The following OTUD7B variants were observed in gnomAD, a reference collection of about 807,000 sequenced individuals.
The protein encoded by OTUD7B is OTU domain-containing protein 7B.
A neutral mutation model predicts 82.2 loss-of-function variants in OTUD7B; 34 were observed. The ratio of observed to expected loss-of-function variants is 0.41; its 90% CI spans 0.31 to 0.55. The LOEUF (loss-of-function observed/expected upper bound fraction) is 0.55. Ranked by LOEUF, OTUD7B falls within the 20% of genes least tolerant of loss-of-function variation. The probability of loss-of-function intolerance (pLI) is 0.20; values close to 1 mark genes in which losing one functional copy is unlikely to be tolerated. For synonymous variants in OTUD7B, 398 were observed against 402.7 expected (o/e 0.99, Z 0.14); for missense variants, 944 against 1,062.1 (o/e 0.89, Z 1.55).
At chr1:150,063,920 G>A in the OTUD7B span, among the ~76,000 whole-genome samples, 1 of 152,146 alleles carries the variant, frequency 6.6e-6, no homozygotes, top group African/African-American at 2.4e-5. Context: ...AAAATTGCAT[G>A]TTTTACAAAT....
chr1:149,963,818 A>C (rs1649327276), intron 6 of OTUD7B: 1 of 165,226 alleles, frequency 6.1e-6, no homozygotes, highest in African/African-American at 2.4e-5. Flanking sequence ...TATGTCCTAA[A>C]AGATTTTAAC....
chr1:149,977,378 T>C, intron 2 of OTUD7B, 48 bp downstream of exon 2: 1 of 1,314,736 alleles, frequency 7.6e-7, no homozygotes, highest in Non-Finnish European at 1.1e-6. Context: ...TAATGATAAA[T>C]ACCACATTTT....
chr1:150,015,082 C>T (rs1361427385), upstream of OTUD7B, among the ~76,000 whole-genome samples: 1 of 152,092 alleles, frequency 6.6e-6, no homozygotes, highest in Admixed American at 6.5e-5. Flanking sequence ...ATCTGACCCA[C>T]GACAGTCATT....
intron 3 of OTUD7B, among the ~76,000 whole-genome samples, chr1:149,970,337 T>TTG (rs1195602907): frequency 2.8e-4 from 2 of 7,246 alleles, no homozygotes; most frequent in African/African-American, 3.5e-4. Flanking sequence ...TTTTTTTTTG[T>TTG]AGACAGAGTC....
intron 1 of OTUD7B, among the ~76,000 whole-genome samples, chr1:149,987,187 G>C (rs186057201): frequency 6.6e-6 from 1 of 152,356 alleles, no homozygotes; most frequent in East Asian, 1.9e-4. Flanking sequence ...ACAGGTAAAA[G>C]TGGCAGACCC....
chr1:149,970,222 A>AG (rs1285401365), intron 3 of OTUD7B, among the ~76,000 whole-genome samples: 1 of 151,060 alleles, frequency 6.6e-6, no homozygotes, highest in East Asian at 1.9e-4. Context: ...CTCAAGAAAA[A>AG]AAAAAAGTTT....
chr1:150,043,969 T>C, the OTUD7B span, among the ~76,000 whole-genome samples: 6 of 152,028 alleles, frequency 3.9e-5, no homozygotes, highest in Middle Eastern at 3.4e-3. Flanking sequence ...TTTTAAAAAA[T>C]TATTCAGGCA....
At chr1:150,015,962 A>G in the OTUD7B span, among the ~76,000 whole-genome samples, 1 of 152,214 alleles carries the variant, frequency 6.6e-6, no homozygotes, top group Non-Finnish European at 1.5e-5. Flanking sequence ...AAAAGAAAGA[A>G]TAAATTATTT....
At chr1:149,978,691 C>G (rs782108499) in intron 1 of OTUD7B, among the ~76,000 whole-genome samples, 8 of 152,158 alleles carry the variant, frequency 5.3e-5, no homozygotes, top group Non-Finnish European at 1.2e-4. Flanking sequence ...TGAAAAAGAT[C>G]TCTTCTTTCA....
At chr1:149,993,374 G>C (rs942615192) in intron 1 of OTUD7B, among the ~76,000 whole-genome samples, 1 of 152,154 alleles carries the variant, frequency 6.6e-6, no homozygotes, top group Non-Finnish European at 1.5e-5. Context: ...CTAAGTGAAG[G>C]GGATGCATCA....
At chr1:149,986,300 T>C (rs587629991) in intron 1 of OTUD7B, among the ~76,000 whole-genome samples, 4 of 151,964 alleles carry the variant, frequency 2.6e-5, no homozygotes, top group Admixed American at 6.6e-5. Context: ...ATCAGTGTTG[T>C]ACACAGACAA....
chr1:149,997,160 A>T (rs1231939857), intron 1 of OTUD7B, among the ~76,000 whole-genome samples: 4 of 152,148 alleles, frequency 2.6e-5, no homozygotes, highest in Admixed American at 2.6e-4. Flanking sequence ...AGAAAATTGT[A>T]TTTTCAATCC....
At chr1:150,032,972 C>T in the OTUD7B span, among the ~76,000 whole-genome samples, 1 of 152,154 alleles carries the variant, frequency 6.6e-6, no homozygotes, top group African/African-American at 2.4e-5. Context: ...TTTTTAACCC[C>T]CAACATAATT....
chr1:150,066,709 T>C, the OTUD7B span, among the ~76,000 whole-genome samples: 2 of 152,244 alleles, frequency 1.3e-5, no homozygotes, highest in Non-Finnish European at 2.9e-5. The surrounding 1 kb of genome is among the most constrained non-coding windows in gnomAD (Gnocchi z 4.6). Flanking sequence ...TTTCTAACAA[T>C]TGTTTCTTAT....
At chr1:150,025,977 A>T in the OTUD7B span, among the ~76,000 whole-genome samples, 1 of 152,200 alleles carries the variant, frequency 6.6e-6, no homozygotes. Context: ...CTGGAGCTTG[A>T]ATGGCCTTGA....
chr1:149,972,947 G>A lies in OTUD7B; in HGVS notation c.86-1696C>T, dbSNP rs1302667657. On this transcript the variant is annotated intron_variant, in intron 2 of 11. Transcript: ENST00000581312. ...TTCCTATGTTCCCTAAATCAGTAATGGCATCACAATCCCTCCAGGCCCTGA... is the reference window on the plus strand; with the variant it reads ...TTCCTATGTTCCCTAAATCAGTAATAGCATCACAATCCCTCCAGGCCCTGA... Among the ~76,000 whole-genome samples the A allele has an allele frequency of 2.0e-5, 3 of 152,060 alleles. No individual in the cohort carries two copies. The East Asian group carries it at 5.8e-4, about 29-fold the overall frequency.
chr1:150,000,749 T>C (rs1432559579), intron 1 of OTUD7B, among the ~76,000 whole-genome samples: 1 of 151,894 alleles, frequency 6.6e-6, no homozygotes, highest in Non-Finnish European at 1.5e-5. Flanking sequence ...GAGGCCAATG[T>C]GGGCAGATCA....
chr1:149,950,074 G>C lies in OTUD7B; in HGVS notation c.973+20C>G, dbSNP rs587633713. 4 of 1,613,234 alleles carry C rather than the reference G, an allele frequency of 2.5e-6. No individual in the cohort carries two copies. The highest frequency in any genetic ancestry group is 2.5e-6 in the Non-Finnish European group (3 of 1,179,922). Reference sequence around the variant, plus strand: ...AAAGGGGGTGCTCAGCATGGAGTGAGGACTGACTGGCTGACTCACCTTCCC... The same window carrying C: ...AAAGGGGGTGCTCAGCATGGAGTGACGACTGACTGGCTGACTCACCTTCCC... On this transcript the variant is annotated intron_variant, in intron 8 of 11. Transcript: ENST00000581312.
the OTUD7B span, among the ~76,000 whole-genome samples, chr1:150,037,414 A>G: frequency 1.3e-5 from 2 of 152,176 alleles, no homozygotes; most frequent in Non-Finnish European, 2.9e-5. Flanking sequence ...GAAAAGATAC[A>G]CGACATTTTG....
Sources: allele counts gnomAD v4.1 joint callset (sites outside exome capture counted in the v4.1 genomes callset), GRCh38; gene constraint gnomAD v4.1.1; non-coding constraint Gnocchi (gnomAD v3.1); transcripts MANE v1.5; gene names NCBI Gene and HGNC (gene_info 2026-07-23, HGNC 2026-07-21).